Variants in ATOSA observed in about 807,000 individuals in gnomAD.
ATOSA encodes the protein atos homolog protein A.
the ATOSA span, among the ~76,000 whole-genome samples, chr15:52,588,908 T>C: frequency 6.6e-6 from 1 of 152,344 alleles, no homozygotes; most frequent in Admixed American, 6.5e-5. Context: ...AAAGCAAATA[T>C]AAAACAGCAC....
the ATOSA span, among the ~76,000 whole-genome samples, chr15:52,654,209 GTATT>G: frequency 6.6e-6 from 1 of 152,004 alleles, no homozygotes; most frequent in African/African-American, 2.4e-5. Flanking sequence ...AACATTAAAT[GTATT>G]TAGTCACAAC....
At chr15:52,600,214 A>C in the ATOSA span, 1 of 1,608,860 alleles carries the variant, frequency 6.2e-7, no homozygotes, top group East Asian at 2.2e-5. Flanking sequence ...GATCATCTTC[A>C]ATGTTTAAAC....
the ATOSA span, chr15:52,605,265 G>A: frequency 1.3e-6 from 2 of 1,516,036 alleles, no homozygotes; most frequent in East Asian, 4.6e-5. Context: ...AAAATAATTA[G>A]ATGTTAATTG....
the ATOSA span, among the ~76,000 whole-genome samples, chr15:52,626,428 G>C: frequency 6.6e-6 from 1 of 151,074 alleles, no homozygotes; most frequent in Non-Finnish European, 1.5e-5. Context: ...GTTCTCCTTT[G>C]TGCATTAAAA....
the ATOSA span, among the ~76,000 whole-genome samples, chr15:52,633,780 T>C: frequency 5.9e-5 from 9 of 152,160 alleles, no homozygotes; most frequent in Non-Finnish European, 7.4e-5. Context: ...TCTATATCTA[T>C]ACAAAAACAC....
the ATOSA span, among the ~76,000 whole-genome samples, chr15:52,669,985 ACT>A: frequency 3.3e-5 from 5 of 151,998 alleles, no homozygotes; most frequent in Non-Finnish European, 5.9e-5. Flanking sequence ...CCTCTGCCTC[ACT>A]CTCTGCCCTG....
the ATOSA span, among the ~76,000 whole-genome samples, chr15:52,588,324 G>A: frequency 1.3e-5 from 2 of 152,204 alleles, no homozygotes; most frequent in African/African-American, 2.4e-5. Context: ...GGGAAAAAGT[G>A]TATGTTAAAA....
chr15:52,669,928 G>A, the ATOSA span, among the ~76,000 whole-genome samples: 3 of 152,098 alleles, frequency 2.0e-5, 1 homozygote, highest in South Asian at 6.2e-4. Context: ...GCAGTTTTGG[G>A]CAACATCTCA....
the ATOSA span, among the ~76,000 whole-genome samples, chr15:52,618,482 C>G: frequency 6.6e-6 from 1 of 152,038 alleles, no homozygotes; most frequent in African/African-American, 2.4e-5. Flanking sequence ...AAAGGACATA[C>G]AAAGTGGGGA....
chr15:52,682,079 T>C, the ATOSA span, among the ~76,000 whole-genome samples: 1 of 152,226 alleles, frequency 6.6e-6, no homozygotes, highest in Non-Finnish European at 1.5e-5. Flanking sequence ...ATGCTTTTCT[T>C]GTGCATGCCT....
the ATOSA span, among the ~76,000 whole-genome samples, chr15:52,639,042 G>T: frequency 7.5e-6 from 1 of 133,852 alleles, no homozygotes; most frequent in Admixed American, 7.4e-5. Flanking sequence ...GCAAAAAAAA[G>T]AAAGTATCAA....
At chr15:52,686,279 T>C in the ATOSA span, among the ~76,000 whole-genome samples, 5 of 152,218 alleles carry the variant, frequency 3.3e-5, no homozygotes, top group Non-Finnish European at 7.3e-5. Flanking sequence ...AATAATACTT[T>C]TCATGGTTAA....
the ATOSA span, among the ~76,000 whole-genome samples, chr15:52,589,327 T>G: frequency 4.6e-5 from 7 of 152,168 alleles, no homozygotes; most frequent in African/African-American, 1.7e-4. Context: ...CTTCCTAGTT[T>G]CAGAAAGAAA....
At chr15:52,676,267 A>G in the ATOSA span, among the ~76,000 whole-genome samples, 1 of 152,218 alleles carries the variant, frequency 6.6e-6, no homozygotes, top group Non-Finnish European at 1.5e-5. Context: ...AAAAAAATGA[A>G]GTGTAACTGT....
At chr15:52,616,116 T>C in the ATOSA span, among the ~76,000 whole-genome samples, 11,162 of 152,278 alleles carry the variant, frequency 0.073, 515 homozygotes, top group Middle Eastern at 0.14. Context: ...ACCAAATACA[T>C]ATTATAACGT....
At chr15:52,652,543 G>C in the ATOSA span, among the ~76,000 whole-genome samples, 108 of 152,188 alleles carry the variant, frequency 7.1e-4, 1 homozygote, top group Non-Finnish European at 1.3e-3. Context: ...CAAATTCCTA[G>C]AAAAGCACAA....
the ATOSA span, among the ~76,000 whole-genome samples, chr15:52,707,395 G>T: frequency 1.3e-5 from 2 of 152,124 alleles, no homozygotes; most frequent in African/African-American, 4.8e-5. Context: ...TCTGAGAAGG[G>T]CACAAAATCA....
chr15:52,614,286 A>G, the ATOSA span, among the ~76,000 whole-genome samples: 1 of 151,206 alleles, frequency 6.6e-6, no homozygotes, highest in African/African-American at 2.4e-5. Context: ...TTGTATTTTT[A>G]GTAGAGAAGG....
the ATOSA span, among the ~76,000 whole-genome samples, chr15:52,672,336 A>G: frequency 1.3e-5 from 2 of 151,986 alleles, no homozygotes; most frequent in Non-Finnish European, 1.5e-5. Flanking sequence ...GTGACACAGT[A>G]AGACCCCATC....
Sources: gnomAD v4.1 joint callset for allele counts (sites outside exome capture counted in the v4.1 genomes callset) on GRCh38, gnomAD v4.1.1 for gene constraint, MANE v1.5 for transcripts, NCBI Gene and HGNC (gene_info 2026-07-23, HGNC 2026-07-21) for gene names.